Variants in PTN observed in about 807,000 individuals in gnomAD.
PTN encodes the protein heparin affin regulatory protein.
A neutral mutation model predicts 24.1 loss-of-function variants in PTN; 18 were observed. The ratio of observed to expected loss-of-function variants is 0.75; its 90% confidence interval spans 0.52 to 1.11. PTN has a LOEUF of 1.11. Among genes scored for constraint, PTN ranks in the 50% least tolerant of loss-of-function variants. The pLI is 0.00. For missense variants in PTN, 163 were observed against 198.8 expected (o/e 0.82, Z 1.08); for synonymous variants, 78 against 68.6 (o/e 1.14, Z -0.67).
chr7:137,327,359 C>A (rs76546277), intron 1 of PTN, among the ~76,000 whole-genome samples: 6,121 of 152,062 alleles, frequency 0.04, 416 homozygotes, highest in African/African-American at 0.14. Flanking sequence ...TTTTTTCTAA[C>A]CGTTGCTTCC....
At chr7:137,298,427 T>G (rs1473527817) in intron 1 of PTN, among the ~76,000 whole-genome samples, 2 of 151,984 alleles carry the variant, frequency 1.3e-5, no homozygotes, top group Admixed American at 6.6e-5. Context: ...TTTTTCAAAT[T>G]TTATGATCCT....
At chr7:137,320,987 A>G (rs1319830519) in intron 1 of PTN, among the ~76,000 whole-genome samples, 1 of 152,216 alleles carries the variant, frequency 6.6e-6, no homozygotes, top group Non-Finnish European at 1.5e-5. Context: ...TTTGAGGTCA[A>G]CTGTGCTGTG....
intron 1 of PTN, among the ~76,000 whole-genome samples, chr7:137,329,608 T>C (rs988934154): frequency 6.6e-6 from 1 of 152,164 alleles, no homozygotes; most frequent in Non-Finnish European, 1.5e-5. Context: ...AGAAAATGAT[T>C]ACTCATGTCA....
At position 137,280,485 on chromosome 7, in the gene PTN, T is replaced by C. The variant is rs75236730; in HGVS notation, c.-1-25511A>G. On this transcript the variant is annotated intron_variant, in intron 1 of 4. Transcript: ENST00000348225. ...AAGCAAGAGGCGAGAATTCTAGTTATATAAGTGAATTAGGGGACTTAAGGG... is the reference window on the plus strand; with the variant it reads ...AAGCAAGAGGCGAGAATTCTAGTTACATAAGTGAATTAGGGGACTTAAGGG... 6.0e-4 allele frequency among the ~76,000 whole-genome samples: 91 copies of C among 151,530 alleles called. No homozygotes were observed. The East Asian group carries it at 0.013, about 22-fold the overall frequency.
intron 1 of PTN, among the ~76,000 whole-genome samples, chr7:137,277,931 A>T (rs1042321374): frequency 6.6e-6 from 1 of 152,020 alleles, no homozygotes; most frequent in Non-Finnish European, 1.5e-5. Flanking sequence ...AGATAGATAG[A>T]TAGATAGATA....
chr7:137,248,777 A>T (rs34744645), intron 4 of PTN, among the ~76,000 whole-genome samples: 30,186 of 152,170 alleles, frequency 0.2, 3,779 homozygotes, highest in African/African-American at 0.36. Flanking sequence ...TTGGTTAGTT[A>T]TAACAAAGGT....
At chr7:137,333,953 A>G (rs1046149467) in intron 1 of PTN, among the ~76,000 whole-genome samples, 1 of 152,192 alleles carries the variant, frequency 6.6e-6, no homozygotes, top group African/African-American at 2.4e-5. Flanking sequence ...AGGATTCCCT[A>G]TTTAATAAAT....
Position 137,227,789 on chromosome 7 carries a change from T to C in PTN, c.*231A>G. On this transcript the variant is annotated 3_prime_UTR_variant, in exon 5 of 5. Coordinates refer to ENST00000348225, the MANE Select transcript of PTN (RefSeq NM_002825.7). ...CAATTGTCTATCATTTATCATGTACTATAAGTCAACTTCCTAAATAAGATT... is the reference window on the plus strand; with the variant it reads ...CAATTGTCTATCATTTATCATGTACCATAAGTCAACTTCCTAAATAAGATT... 1 of 366,770 alleles carries C rather than the reference T, an allele frequency of 2.7e-6. No homozygotes were observed. Among genetic ancestry groups the C allele is most frequent in the East Asian group, 4.1e-5 (1 of 24,446 alleles). 22.7% of individuals were successfully genotyped at this position (366,770 alleles called of 1,614,324 possible). A position where few individuals can be genotyped will look rare whatever the true frequency, so the allele number is the denominator to read the frequency against.
chr7:137,332,446 T>C (rs1004688900), intron 1 of PTN, among the ~76,000 whole-genome samples: 1 of 152,182 alleles, frequency 6.6e-6, no homozygotes, highest in African/African-American at 2.4e-5. Flanking sequence ...TTTTCACACA[T>C]TTGACCTGCG....
At chr7:137,324,433 A>AATAT (rs71176396) in intron 1 of PTN, among the ~76,000 whole-genome samples, 2,151 of 88,632 alleles carry the variant, frequency 0.024, 48 homozygotes, top group Middle Eastern at 0.029. Flanking sequence ...AAAAAAAAAA[A>AATAT]ATATATATAT....
chr7:137,229,432 A>C (rs538737900), intron 4 of PTN, among the ~76,000 whole-genome samples: 1 of 151,908 alleles, frequency 6.6e-6, no homozygotes, highest in South Asian at 2.1e-4. Flanking sequence ...TATGATGCCA[A>C]CTAGAAATAT....
At chr7:137,229,878 A>T (rs980212828) in intron 4 of PTN, among the ~76,000 whole-genome samples, 2 of 151,834 alleles carry the variant, frequency 1.3e-5, no homozygotes, top group Non-Finnish European at 1.5e-5. Context: ...TGAAAATGTA[A>T]TAATTCCCAA....
intron 1 of PTN, among the ~76,000 whole-genome samples, chr7:137,315,119 T>C (rs1387226886): frequency 6.6e-6 from 1 of 152,192 alleles, no homozygotes; most frequent in Non-Finnish European, 1.5e-5. Context: ...GTTCTCGGGC[T>C]TGACGGTGAT....
intron 1 of PTN, among the ~76,000 whole-genome samples, chr7:137,284,660 C>T (rs1046062374): frequency 1.3e-5 from 2 of 152,076 alleles, no homozygotes; most frequent in Non-Finnish European, 2.9e-5. Context: ...ATGGTGTTTT[C>T]CTTAGACAAT....
intron 1 of PTN, among the ~76,000 whole-genome samples, chr7:137,337,722 G>T (rs191932716): frequency 6.6e-6 from 1 of 152,164 alleles, no homozygotes. Context: ...GTAATGAAGG[G>T]AGTGAAGGAA....
intron 4 of PTN, among the ~76,000 whole-genome samples, chr7:137,249,272 C>T (rs1036420180): frequency 6.9e-5 from 10 of 145,276 alleles, no homozygotes; most frequent in East Asian, 4.1e-4. Context: ...GGACAGTGCA[C>T]GTGTGTGTGT....
At chr7:137,296,301 T>A (rs573527010) in intron 1 of PTN, among the ~76,000 whole-genome samples, 6 of 151,994 alleles carry the variant, frequency 3.9e-5, no homozygotes, top group African/African-American at 1.4e-4. Context: ...TCAAGAAAAA[T>A]TGTGAGAGGT....
chr7:137,315,162 T>A (rs1810050343), intron 1 of PTN, among the ~76,000 whole-genome samples: 1 of 152,110 alleles, frequency 6.6e-6, no homozygotes, highest in Non-Finnish European at 1.5e-5. Flanking sequence ...AGGATGCTAA[T>A]AATTATGCCA....
intron 1 of PTN, among the ~76,000 whole-genome samples, chr7:137,279,699 T>TA (rs1290399538): frequency 6.6e-6 from 1 of 152,166 alleles, no homozygotes; most frequent in Non-Finnish European, 1.5e-5. Flanking sequence ...AAGGGTTACG[T>TA]AAAAAATTTA....
Sources: allele counts gnomAD v4.1 joint callset (sites outside exome capture counted in the v4.1 genomes callset), GRCh38; gene constraint gnomAD v4.1.1; transcripts MANE v1.5; gene names NCBI Gene and HGNC (gene_info 2026-07-23, HGNC 2026-07-21).